THSD7B: variants seen among roughly 807,000 people sequenced by gnomAD.
THSD7B encodes thrombospondin type-1 domain-containing protein 7B.
In THSD7B, 138 loss-of-function variants were observed where a neutral mutation model predicts 213.6. The ratio of observed to expected loss-of-function variants is 0.65; its 90% CI spans 0.56 to 0.74. The LOEUF is 0.74. THSD7B is among the 30% of genes least tolerant of loss of function. THSD7B has a pLI of 0.00. For missense variants in THSD7B, 1,931 were observed against 1,991.5 expected (o/e 0.97, Z 0.58); for synonymous variants, 742 against 687.0 (o/e 1.08, Z -1.25).
chr2:137,056,474 C>T lies in THSD7B; in HGVS notation c.194C>T (p.Ala65Val). 1 of 1,613,874 alleles carries T rather than the reference C, an allele frequency of 6.2e-7. No individual in the cohort carries two copies. The highest frequency in any genetic ancestry group is 8.5e-7 in the Non-Finnish European group (1 of 1,179,856). The change falls in exon 3 of 28, where the codon GCA becomes GTA. Residue 65 changes from alanine to valine, a missense_variant. Coordinates refer to ENST00000409968, the MANE Select transcript of THSD7B (RefSeq NM_001316349.2). ...GGTCCCGGAGGAGTCCAGAGTCGGG[C>T]AGTGTGGTGTTTTCATGTTGACGGG... is the stretch of plus-strand genomic sequence containing the variant. Reference protein sequence around the residue: ...DCGPGGVQSRAVWCFHVDGWT... With the variant: ...DCGPGGVQSRVVWCFHVDGWT...
chr2:136,985,832 G>A (rs886347114), intron 2 of THSD7B, among the ~76,000 whole-genome samples: 2 of 152,216 alleles, frequency 1.3e-5, no homozygotes, highest in African/African-American at 4.8e-5. Context: ...GCAGCCACAG[G>A]GACTGCACCC....
intron 1 of THSD7B, among the ~76,000 whole-genome samples, chr2:136,840,405 T>C (rs1297229095): frequency 6.6e-6 from 1 of 151,900 alleles, no homozygotes; most frequent in Non-Finnish European, 1.5e-5. Context: ...AAAAAGAATA[T>C]TGAGAAAGAA....
intron 15 of THSD7B, among the ~76,000 whole-genome samples, chr2:137,513,841 G>A (rs1299952759): frequency 6.6e-6 from 1 of 152,184 alleles, no homozygotes; most frequent in Non-Finnish European, 1.5e-5. Flanking sequence ...GCCTGAGTAC[G>A]AGGAGACAGT....
intron 2 of THSD7B, among the ~76,000 whole-genome samples, chr2:136,990,096 A>G (rs952096224): frequency 1.5e-4 from 23 of 152,224 alleles, no homozygotes; most frequent in Non-Finnish European, 2.8e-4. Flanking sequence ...AGAAAATATA[A>G]TGCAATTTTC....
chr2:136,855,774 C>T (rs1683172101), intron 1 of THSD7B, among the ~76,000 whole-genome samples: 1 of 151,826 alleles, frequency 6.6e-6, no homozygotes, highest in Non-Finnish European at 1.5e-5. Flanking sequence ...GCCCGGGCTT[C>T]CCTCATTCTT....
chr2:137,244,174 TA>T (rs2105066942), intron 10 of THSD7B, among the ~76,000 whole-genome samples: 1 of 152,316 alleles, frequency 6.6e-6, no homozygotes, highest in East Asian at 1.9e-4. Context: ...ATAATGTACC[TA>T]AAAACATTTC....
At position 137,336,713 on chromosome 2, in the gene THSD7B, A is replaced by G. The variant is rs551812673; in HGVS notation, c.2500+60687A>G. Among the ~76,000 whole-genome samples, 94 of 152,262 alleles carry G rather than the reference A, an allele frequency of 6.2e-4. 1 individual carries two copies. The highest frequency in any genetic ancestry group is 1.0e-3 in the South Asian group (5 of 4,826). ...TGTGTTCTTGAAGAGAATACCACAA[A>G]CAGTGTTTGTCTAACTGGAGTTATG... On this transcript the variant is annotated intron_variant, in intron 12 of 27. Transcript: ENST00000409968.
chr2:136,821,066 A>G (rs973691204), intron 1 of THSD7B, among the ~76,000 whole-genome samples: 2 of 152,236 alleles, frequency 1.3e-5, no homozygotes, highest in Non-Finnish European at 2.9e-5. Context: ...TTTTGTGTAT[A>G]AAAATGACAA....
chr2:137,299,680 C>T (rs1462624441), intron 12 of THSD7B, among the ~76,000 whole-genome samples: 2 of 150,610 alleles, frequency 1.3e-5, no homozygotes, highest in African/African-American at 5.0e-5. Flanking sequence ...TGAAAAACAA[C>T]AATACACTGT....
At position 137,190,137 on chromosome 2, in the gene THSD7B, G is replaced by A. The variant is rs1444101381; in HGVS notation, c.1723+19199G>A. Among the ~76,000 whole-genome samples, 6 of 152,260 alleles carry A rather than the reference G, an allele frequency of 3.9e-5. No homozygotes were observed. The East Asian group carries it at 7.7e-4, about 20-fold the overall frequency. ...GGTCTAGATCACTATGTAGGCTTCCGCTGGATGTGACTAACTAGAGAATTT... is the reference window on the plus strand; with the variant it reads ...GGTCTAGATCACTATGTAGGCTTCCACTGGATGTGACTAACTAGAGAATTT... On this transcript the variant is annotated intron_variant, in intron 7 of 27. Coordinates refer to ENST00000409968, the MANE Select transcript of THSD7B (RefSeq NM_001316349.2).
chr2:137,065,061 T>G (rs896731560), intron 3 of THSD7B, among the ~76,000 whole-genome samples: 1 of 152,052 alleles, frequency 6.6e-6, no homozygotes, highest in Non-Finnish European at 1.5e-5. Flanking sequence ...AAAATATTAT[T>G]GATATTTTCA....
intron 12 of THSD7B, among the ~76,000 whole-genome samples, chr2:137,379,094 T>A (rs1287563894): frequency 6.6e-6 from 1 of 152,036 alleles, no homozygotes; most frequent in Non-Finnish European, 1.5e-5. Flanking sequence ...TGGAATAAAG[T>A]GAAGGGGTAT....
chr2:137,082,422 T>C (rs1687763093), intron 3 of THSD7B, among the ~76,000 whole-genome samples: 1 of 152,134 alleles, frequency 6.6e-6, no homozygotes, highest in East Asian at 1.9e-4. Flanking sequence ...AATATCAAAC[T>C]CAGGCTACTG....
At chr2:137,556,778 T>A (rs996014843) in intron 15 of THSD7B, among the ~76,000 whole-genome samples, 15 of 152,176 alleles carry the variant, frequency 9.9e-5, no homozygotes, top group Non-Finnish European at 1.8e-4. Context: ...CCCATCAGTG[T>A]GCTGTATTCA....
chr2:137,318,957 C>G (rs923489370), intron 12 of THSD7B, among the ~76,000 whole-genome samples: 1 of 151,572 alleles, frequency 6.6e-6, no homozygotes, highest in African/African-American at 2.4e-5. Context: ...AAAGGAAGTT[C>G]TGAAGATTGA....
intron 7 of THSD7B, among the ~76,000 whole-genome samples, chr2:137,199,145 G>A (rs1359909355): frequency 6.6e-6 from 1 of 152,138 alleles, no homozygotes; most frequent in Admixed American, 6.6e-5. Context: ...GTCCTATTAA[G>A]TCACTTTCCA....
intron 17 of THSD7B, among the ~76,000 whole-genome samples, chr2:137,612,053 T>G (rs1682299177): frequency 6.6e-6 from 1 of 152,218 alleles, no homozygotes; most frequent in Non-Finnish European, 1.5e-5. Context: ...TTAATAACTT[T>G]GTAATTTACA....
At chr2:137,124,481 A>T (rs972500480) in intron 5 of THSD7B, among the ~76,000 whole-genome samples, 22 of 152,196 alleles carry the variant, frequency 1.4e-4, no homozygotes, top group African/African-American at 5.3e-4. Flanking sequence ...AAGAGGACAT[A>T]GTCACTTAGT....
intron 1 of THSD7B, among the ~76,000 whole-genome samples, chr2:136,807,409 C>T (rs1682300846): frequency 6.6e-6 from 1 of 151,746 alleles, no homozygotes; most frequent in South Asian, 2.1e-4. Flanking sequence ...CCATCTTTGG[C>T]CATTGGGTGT....
Sources: allele counts gnomAD v4.1 joint callset (sites outside exome capture counted in the v4.1 genomes callset), GRCh38; gene constraint gnomAD v4.1.1; transcripts MANE v1.5; gene names NCBI Gene and HGNC (gene_info 2026-07-23, HGNC 2026-07-21).